Variants in CCDC191 observed in about 807,000 individuals in gnomAD.
The protein encoded by CCDC191 is coiled-coil domain containing 191.
In CCDC191, 99 loss-of-function variants were observed where a neutral mutation model predicts 114.0. That is an observed-to-expected ratio of 0.87 (90% CI 0.74 to 1.03). The LOEUF (loss-of-function observed/expected upper bound fraction) is 1.03, where lower values mean the gene tolerates loss of function less well. Ranked by LOEUF, CCDC191 falls within the 50% of genes least tolerant of loss-of-function variation. The pLI is 0.00. For synonymous variants in CCDC191, 351 were observed against 376.0 expected, an observed-to-expected ratio of 0.93 and a Z score of 0.77; for missense variants, 973 against 1,087.0, an observed-to-expected ratio of 0.90 and a Z score of 1.47.
At chr3:113,991,464 T>G (rs1182107140) in intron 13 of CCDC191, among the ~76,000 whole-genome samples, 1 of 152,168 alleles carries the variant, frequency 6.6e-6, no homozygotes, top group Non-Finnish European at 1.5e-5. Context: ...GAAAAAGCTT[T>G]CAGTGAAATT....
intron 7 of CCDC191, among the ~76,000 whole-genome samples, chr3:114,030,225 C>A (rs2076384971): frequency 6.6e-6 from 1 of 152,154 alleles, no homozygotes; most frequent in South Asian, 2.1e-4. Flanking sequence ...TGTAAAACTG[C>A]ATATGTGTCT....
intron 13 of CCDC191, among the ~76,000 whole-genome samples, chr3:113,998,495 G>T (rs1303715630): frequency 6.6e-6 from 1 of 152,060 alleles, no homozygotes; most frequent in Non-Finnish European, 1.5e-5. Flanking sequence ...CTGACCTCCT[G>T]AGATCGCCCA....
intron 13 of CCDC191, among the ~76,000 whole-genome samples, chr3:113,990,973 C>T (rs2075539400): frequency 6.9e-6 from 1 of 145,904 alleles, no homozygotes; most frequent in Non-Finnish European, 1.5e-5. Context: ...TGTGGTGGCT[C>T]ATGCCTGTAA....
At chr3:114,049,969 G>T (rs1041666189) in intron 2 of CCDC191, among the ~76,000 whole-genome samples, 2 of 152,108 alleles carry the variant, frequency 1.3e-5, no homozygotes, top group African/African-American at 4.8e-5. Context: ...AAAAGTAAAA[G>T]TTTCTGTTCT....
chr3:114,010,636 G>A, intron 9 of CCDC191, 136 bp downstream of exon 9: 1 of 722,640 alleles, frequency 1.4e-6, no homozygotes, highest in South Asian at 2.4e-5. Context: ...AATAAACACT[G>A]CCTGAAAGGT....
chr3:113,965,234 TG>T lies in CCDC191; in HGVS notation c.2731del (p.Gln911ArgfsTer18), dbSNP rs892956920. The part of the protein sequence containing the change: ...RKVVEILPDF[Q>X]VPGRYHELYQ... ...TAGCTCGTGGTACCTTCCAGGTACC[TG>T]GAAGTCTGGAAGAATTTCAACTACC... On this transcript the variant is annotated frameshift_variant, in exon 17 of 17. Coordinates refer to ENST00000295878, the MANE Select transcript of CCDC191 (RefSeq NM_020817.2). LOFTEE classifies it low-confidence loss of function (END_TRUNC). The T allele has an allele frequency of 8.7e-6, 14 of 1,611,500 alleles. No homozygotes were observed. The Admixed American group carries it at 1.0e-4, about 12-fold the overall frequency.
At chr3:113,999,891 AGTAAACATCACACAAG>A (rs1299407206) in intron 13 of CCDC191, among the ~76,000 whole-genome samples, 1 of 152,224 alleles carries the variant, frequency 6.6e-6, no homozygotes, top group African/African-American at 2.4e-5. Flanking sequence ...CATGGAGAAG[AGTAAACATCACACAAG>A]GACTTTACCT....
At chr3:114,008,977 T>G (rs892862916) in intron 9 of CCDC191, among the ~76,000 whole-genome samples, 1 of 152,122 alleles carries the variant, frequency 6.6e-6, no homozygotes, top group Non-Finnish European at 1.5e-5. Context: ...TTGCCCCTAG[T>G]CTACCAACCA....
At chr3:113,991,987 G>A (rs994096141) in intron 13 of CCDC191, among the ~76,000 whole-genome samples, 2 of 152,102 alleles carry the variant, frequency 1.3e-5, no homozygotes, top group African/African-American at 4.8e-5. Context: ...AAACAATGAT[G>A]AAAGAAATCA....
chr3:114,003,083 C>T, intron 11 of CCDC191: 1 of 985,302 alleles, frequency 1.0e-6, no homozygotes, highest in Non-Finnish European at 1.2e-6. Context: ...TACAGATGGG[C>T]AGGAAATGGA....
chr3:113,965,435 T>C (rs1940023271), intron 16 of CCDC191, 76 bp from the exon 17 acceptor site: 1 of 752,082 alleles, frequency 1.3e-6, no homozygotes, highest in South Asian at 2.1e-5. Context: ...TTAAGAACTT[T>C]ATAAAAATAA....
intron 9 of CCDC191, among the ~76,000 whole-genome samples, chr3:114,008,337 C>T (rs2076009480): frequency 1.3e-5 from 2 of 151,740 alleles, no homozygotes; most frequent in African/African-American, 4.8e-5. Context: ...CAAAATGTTA[C>T]ACATAAGTCC....
intron 3 of CCDC191, 22 bp downstream of exon 3, chr3:114,046,569 A>C (rs1398151569): frequency 7.4e-7 from 1 of 1,354,922 alleles, no homozygotes; most frequent in African/African-American, 1.4e-5. Context: ...TTAACATCGC[A>C]GCAGAAAATG....
rs911072654 is a variant in CCDC191, at chr3:114,006,621, T to A, written c.1414-659A>T. On this transcript the variant is annotated intron_variant, in intron 9 of 16. Coordinates refer to ENST00000295878, the MANE Select transcript of CCDC191 (RefSeq NM_020817.2). ...ATATATATATATATATATATATAAA[T>A]ATATATATTTTATATATAAAAAACA... is the stretch of plus-strand genomic sequence containing the variant. 1.0e-3 allele frequency among the ~76,000 whole-genome samples: 130 copies of A among 127,852 alleles called. 2 individuals carry two copies. The East Asian group carries it at 0.02, about 20-fold the overall frequency. The allele number at this position is 127,852 out of a possible 152,430, so 83.9% of individuals were successfully genotyped here. A position where few individuals can be genotyped will look rare whatever the true frequency, so the allele number is the denominator to read the frequency against.
chr3:113,967,577 GATCAA>G (rs1940338895), intron 16 of CCDC191, among the ~76,000 whole-genome samples: 1 of 152,076 alleles, frequency 6.6e-6, no homozygotes, highest in Non-Finnish European at 1.5e-5. Flanking sequence ...AATGTGTAAA[GATCAA>G]ATCAGGGTAT....
intron 13 of CCDC191, among the ~76,000 whole-genome samples, chr3:113,997,875 G>A (rs1016752192): frequency 6.6e-6 from 1 of 151,970 alleles, no homozygotes; most frequent in Non-Finnish European, 1.5e-5. Context: ...AAGCAGTTGT[G>A]GTAAAGCTAG....
chr3:113,990,131 A>G (rs913159711), intron 13 of CCDC191, among the ~76,000 whole-genome samples: 1 of 152,212 alleles, frequency 6.6e-6, no homozygotes, highest in African/African-American at 2.4e-5. Context: ...TGAAAAGAGG[A>G]AAACAACAAA....
At chr3:114,000,726 C>T (rs935710679) in intron 13 of CCDC191, among the ~76,000 whole-genome samples, 1 of 152,052 alleles carries the variant, frequency 6.6e-6, no homozygotes, top group African/African-American at 2.4e-5. Context: ...TGACAGCTCA[C>T]TGCTGCCTCG....
chr3:113,994,494 A>T (rs894676013), intron 13 of CCDC191, among the ~76,000 whole-genome samples: 15 of 152,140 alleles, frequency 9.9e-5, no homozygotes, highest in African/African-American at 3.4e-4. Flanking sequence ...ATTACCTATA[A>T]ACTTAAACAT....
Sources: gnomAD v4.1 joint callset for allele counts (sites outside exome capture counted in the v4.1 genomes callset) on GRCh38, gnomAD v4.1.1 for gene constraint, MANE v1.5 for transcripts, NCBI Gene and HGNC (gene_info 2026-07-23, HGNC 2026-07-21) for gene names.